Variants in SLC2A13 observed in about 807,000 individuals in gnomAD.
SLC2A13 encodes the protein solute carrier family 2 member 13, also known as proton myo-inositol cotransporter.
Under a neutral mutation model 64.4 loss-of-function variants are expected in SLC2A13, and 32 were observed. The observed-to-expected ratio is 0.50, with a 90% confidence interval of 0.37 to 0.67. The LOEUF (loss-of-function observed/expected upper bound fraction) is 0.67, where lower values mean the gene tolerates loss of function less well. SLC2A13 is among the 30% of genes least tolerant of loss of function. The probability of loss-of-function intolerance (pLI) is 0.00; values close to 1 mark genes in which losing one functional copy is unlikely to be tolerated. For missense variants in SLC2A13, 743 were observed against 829.2 expected, an observed-to-expected ratio of 0.90 and a Z score of 1.28; for synonymous variants, 338 against 327.1, an observed-to-expected ratio of 1.03 and a Z score of -0.36.
At chr12:39,774,800 T>C (rs1284504333) in intron 7 of SLC2A13, among the ~76,000 whole-genome samples, 2 of 152,204 alleles carry the variant, frequency 1.3e-5, no homozygotes, top group Admixed American at 6.5e-5. Flanking sequence ...TATCTATAAA[T>C]CATTGCATCT....
intron 7 of SLC2A13, among the ~76,000 whole-genome samples, chr12:39,808,703 G>T (rs918564954): frequency 2.6e-5 from 4 of 151,928 alleles, no homozygotes; most frequent in Non-Finnish European, 5.9e-5. Context: ...ATATCTATGT[G>T]CTTATTTGCC....
intron 4 of SLC2A13, among the ~76,000 whole-genome samples, chr12:39,901,906 G>A (rs558447979): frequency 3.6e-4 from 55 of 151,736 alleles, no homozygotes; most frequent in Middle Eastern, 6.8e-3. Flanking sequence ...TGTTTATTGC[G>A]GCATTATTCC....
At chr12:40,057,546 C>T (rs1357268629) in intron 1 of SLC2A13, among the ~76,000 whole-genome samples, 1 of 152,148 alleles carries the variant, frequency 6.6e-6, no homozygotes, top group African/African-American at 2.4e-5. Flanking sequence ...ATTTGGACTA[C>T]AGAAATCCAG....
intron 4 of SLC2A13, among the ~76,000 whole-genome samples, chr12:39,939,079 G>C (rs1945974224): frequency 2.6e-5 from 4 of 152,102 alleles, no homozygotes. Flanking sequence ...ACTGTTCCTT[G>C]GAGAGTACTC....
chr12:39,850,192 T>C (rs1283317960), intron 6 of SLC2A13, among the ~76,000 whole-genome samples: 1 of 152,150 alleles, frequency 6.6e-6, no homozygotes. Context: ...AAGTAGCTAC[T>C]GGAACCGAAA....
At chr12:40,024,190 C>T (rs1947766702) in intron 3 of SLC2A13, among the ~76,000 whole-genome samples, 1 of 152,182 alleles carries the variant, frequency 6.6e-6, no homozygotes, top group Non-Finnish European at 1.5e-5. Flanking sequence ...ACCAGACATA[C>T]CACAAAATGA....
intron 6 of SLC2A13, among the ~76,000 whole-genome samples, chr12:39,831,336 G>A (rs1942845785): frequency 6.6e-6 from 1 of 152,090 alleles, no homozygotes; most frequent in South Asian, 2.1e-4. Context: ...AGAGCAAAGG[G>A]CATTTCAGAG....
chr12:39,902,479 T>G (rs1945153775), intron 4 of SLC2A13, among the ~76,000 whole-genome samples: 1 of 152,074 alleles, frequency 6.6e-6, no homozygotes, highest in African/African-American at 2.4e-5. Context: ...TCATACTTCT[T>G]GTAATAAATT....
At chr12:39,896,335 T>A (rs907497171) in intron 4 of SLC2A13, among the ~76,000 whole-genome samples, 2 of 142,600 alleles carry the variant, frequency 1.4e-5, no homozygotes, top group African/African-American at 5.2e-5. Context: ...TGTGTATATA[T>A]GTATACATAT....
chr12:39,819,069 A>G (rs564057178), intron 7 of SLC2A13, among the ~76,000 whole-genome samples: 1 of 152,306 alleles, frequency 6.6e-6, no homozygotes, highest in African/African-American at 2.4e-5. Context: ...GGAAAACAGT[A>G]TAGTTATATA....
chr12:39,956,572 A>G (rs10506140), intron 3 of SLC2A13, among the ~76,000 whole-genome samples: 46,003 of 152,036 alleles, frequency 0.3, 7,795 homozygotes, highest in Non-Finnish European at 0.4. Context: ...AAAAAATTCA[A>G]TATTCAAAGA....
intron 7 of SLC2A13, among the ~76,000 whole-genome samples, chr12:39,787,522 C>T (rs1941233680): frequency 1.3e-5 from 2 of 152,138 alleles, no homozygotes; most frequent in South Asian, 2.1e-4. Flanking sequence ...ATTTATTTAT[C>T]CCAGGCATAC....
intron 1 of SLC2A13, among the ~76,000 whole-genome samples, chr12:40,069,368 G>A (rs893660556): frequency 6.6e-6 from 1 of 151,860 alleles, no homozygotes. Context: ...GTGGTATTTA[G>A]TAACAAATTT....
chr12:39,803,702 A>G (rs1941879233), intron 7 of SLC2A13, among the ~76,000 whole-genome samples: 1 of 152,144 alleles, frequency 6.6e-6, no homozygotes, highest in South Asian at 2.1e-4. Flanking sequence ...ATATGGCACT[A>G]AGAAATGAAA....
intron 7 of SLC2A13, among the ~76,000 whole-genome samples, chr12:39,784,755 C>T (rs1941124300): frequency 6.6e-6 from 1 of 152,106 alleles, no homozygotes; most frequent in South Asian, 2.1e-4. Flanking sequence ...AGCTTCTGCA[C>T]AGCAAAAGAA....
intron 3 of SLC2A13, among the ~76,000 whole-genome samples, chr12:39,985,405 A>G (rs1488396430): frequency 3.9e-5 from 6 of 152,194 alleles, no homozygotes; most frequent in Admixed American, 3.3e-4. Flanking sequence ...AAAATTATTC[A>G]TAGGAGGTAA....
intron 1 of SLC2A13, among the ~76,000 whole-genome samples, chr12:40,068,792 A>T: frequency 6.6e-6 from 1 of 151,880 alleles, no homozygotes; most frequent in Non-Finnish European, 1.5e-5. Context: ...GACACAGCTG[A>T]TAAATATCAA....
intron 4 of SLC2A13, among the ~76,000 whole-genome samples, chr12:39,948,752 TA>T (rs1946181259): frequency 6.6e-6 from 1 of 152,070 alleles, no homozygotes; most frequent in African/African-American, 2.4e-5. Context: ...ATTTCCCACT[TA>T]AAAGGGAAGA....
intron 2 of SLC2A13, among the ~76,000 whole-genome samples, chr12:40,045,355 A>C (rs1340411900): frequency 6.6e-6 from 1 of 151,932 alleles, no homozygotes; most frequent in Non-Finnish European, 1.5e-5. Flanking sequence ...TTTCCTTAAG[A>C]TTTTTGAAAC....
Sources: allele counts gnomAD v4.1 joint callset (sites outside exome capture counted in the v4.1 genomes callset), GRCh38; gene constraint gnomAD v4.1.1; transcripts MANE v1.5; gene names NCBI Gene and HGNC (gene_info 2026-07-23, HGNC 2026-07-21).